ZGRF1: variants seen among roughly 807,000 people sequenced by gnomAD.
The protein encoded by ZGRF1 is zinc finger GRF-type containing 1.
Under a neutral mutation model 203.5 loss-of-function variants are expected in ZGRF1, and 196 were observed. The ratio of observed to expected loss-of-function variants is 0.96; its 90% confidence interval spans 0.86 to 1.08. The LOEUF (loss-of-function observed/expected upper bound fraction) is 1.08. ZGRF1 is among the 50% of genes least tolerant of loss of function. The pLI is 0.00. For missense variants in ZGRF1, 2,326 were observed against 2,416.3 expected (o/e 0.96, Z 0.78); for synonymous variants, 809 against 841.3 (o/e 0.96, Z 0.66).
At chr4:112,587,259 A>C in intron 12 of ZGRF1, 21 bp downstream of exon 12, 1 of 1,571,846 alleles carries the variant, frequency 6.4e-7, no homozygotes, top group Non-Finnish European at 8.6e-7. Context: ...AATGCACCAC[A>C]AGACCGGTAC....
At chr4:112,557,954 G>A (rs1482113545) in intron 20 of ZGRF1, among the ~76,000 whole-genome samples, 196 bp downstream of exon 20, 2 of 152,132 alleles carry the variant, frequency 1.3e-5, no homozygotes, top group African/African-American at 4.8e-5. Context: ...TTCCAGTTCT[G>A]GTTTTGATTT....
chr4:112,635,836 T>C (rs1444555669), intron 1 of ZGRF1, among the ~76,000 whole-genome samples: 3 of 151,926 alleles, frequency 2.0e-5, no homozygotes, highest in Non-Finnish European at 4.4e-5. Flanking sequence ...TTATATGCTA[T>C]TTCACAATTG....
chr4:112,605,924 G>A, intron 9 of ZGRF1, 84 bp downstream of exon 9: 1 of 897,060 alleles, frequency 1.1e-6, no homozygotes, highest in South Asian at 1.4e-5. Flanking sequence ...TGAAAACTCT[G>A]ATACTTGTTT....
intron 10 of ZGRF1, among the ~76,000 whole-genome samples, chr4:112,597,725 CA>C (rs994876803): frequency 2.0e-5 from 3 of 147,752 alleles, no homozygotes; most frequent in African/African-American, 2.5e-5. Flanking sequence ...CTAAAAATAC[CA>C]AAAAAAAATT....
At chr4:112,620,339 A>G in intron 4 of ZGRF1, 149 bp from the exon 5 acceptor site, 2 of 500,228 alleles carry the variant, frequency 4.0e-6, no homozygotes, top group South Asian at 7.8e-5. Flanking sequence ...ATTATTTATT[A>G]TTATGTACTC....
intron 16 of ZGRF1, among the ~76,000 whole-genome samples, chr4:112,563,861 G>A (rs1244105154): frequency 6.6e-6 from 1 of 152,168 alleles, no homozygotes; most frequent in Non-Finnish European, 1.5e-5. Flanking sequence ...TGCAGATGGT[G>A]CAAAGGGGCC....
chr4:112,561,025 T>TA (rs771545847), intron 18 of ZGRF1, 30 bp from the exon 19 acceptor site: 12 of 1,535,554 alleles, frequency 7.8e-6, no homozygotes, highest in East Asian at 2.3e-5. Context: ...TAAACAATTT[T>TA]AAAAAAAGGG....
Position 112,618,558 on chromosome 4 carries a change from A to G in ZGRF1, c.1484T>C (p.Ile495Thr), listed in dbSNP as rs2046962068. ...AATCATGTCTGTAATGTCATCAGAGATCCTAGAATTATTACTAGATTCAAT... is the reference window on the plus strand; with the variant it reads ...AATCATGTCTGTAATGTCATCAGAGGTCCTAGAATTATTACTAGATTCAAT... Reference protein sequence around the residue: ...LQIESSNNSRISDDITDMISE... With the variant: ...LQIESSNNSRTSDDITDMISE... The change falls in exon 6 of 28, where the codon ATC becomes ACC. Residue 495 changes from isoleucine to threonine, a missense_variant. Transcript: ENST00000505019. 1.2e-6 allele frequency: 2 copies of G among 1,613,500 alleles called. No homozygotes were observed. Among genetic ancestry groups the G allele is most frequent in the African/African-American group, 2.7e-5 (2 of 74,902 alleles).
Position 112,584,060 on chromosome 4 carries a change from C to T in ZGRF1, c.4216G>A (p.Val1406Ile). 1 of 1,613,594 alleles carries T rather than the reference C, an allele frequency of 6.2e-7. No individual in the cohort carries two copies. The highest frequency in any genetic ancestry group is 1.1e-5 in the South Asian group (1 of 91,070). The change falls in exon 15 of 28, where the codon GTT becomes ATT. Residue 1406 changes from valine (V) to isoleucine (I), a missense_variant. By Grantham distance (29) the Val-to-Ile change is conservative. Transcript: ENST00000505019. ...STQEGARPGM[V>I]LSDIKSIGLY... ...CCAATACTCTTAATATCACTTAAAA[C>T]CATGCCAGGTCGAGCTCCTTCCTGT...
In ZGRF1 at chr4:112,593,333, A is replaced by G. The variant is rs1390866906; in HGVS notation, c.2977-3459T>C. 7.2e-5 allele frequency among the ~76,000 whole-genome samples: 11 copies of G among 152,244 alleles called. No homozygotes were observed. The East Asian group carries it at 2.1e-3, about 29-fold the overall frequency. On this transcript the variant is annotated intron_variant, in intron 10 of 27. Coordinates refer to ENST00000505019, the MANE Select transcript of ZGRF1 (RefSeq NM_018392.5). ...ACTCCACTATACTTTCACTGCCACA[A>G]TCCCTACTTCAATTCACTATCATCA...
intron 10 of ZGRF1, among the ~76,000 whole-genome samples, chr4:112,594,600 A>G (rs1578391950): frequency 6.6e-6 from 1 of 151,598 alleles, no homozygotes; most frequent in Non-Finnish European, 1.5e-5. Flanking sequence ...TTACAGGCAC[A>G]TGCCACCACG....
intron 15 of ZGRF1, among the ~76,000 whole-genome samples, chr4:112,583,725 G>T (rs1327595882): frequency 1.3e-5 from 2 of 151,854 alleles, no homozygotes; most frequent in Non-Finnish European, 2.9e-5. Flanking sequence ...GAGAGCTTCA[G>T]CCCAGGAGTT....
At chr4:112,548,436 C>A in intron 22 of ZGRF1, 56 bp from the exon 23 acceptor site, 4 of 1,382,950 alleles carry the variant, frequency 2.9e-6, no homozygotes, top group South Asian at 1.4e-5. Context: ...AATAAGAGAA[C>A]GTATTTACCA....
chr4:112,547,331 T>A lies in ZGRF1; in HGVS notation c.5552A>T (p.His1851Leu). ...AAGAGTTTGTTCCAATCCATTTTCA[T>A]GAGCTGCATCAGAACCCTGAATAGT... ...PPTIQGSDAA[H>L]ENGLEQTLFD... The change falls in exon 24 of 28, where the codon CAT becomes CTT. Residue 1851 changes from histidine to leucine, a missense_variant. By Grantham distance (99) the His-to-Leu change is moderately conservative. Transcript: ENST00000505019. 1.9e-6 allele frequency: 3 copies of A among 1,613,702 alleles called. No individual in the cohort carries two copies. Among genetic ancestry groups the A allele is most frequent in the Non-Finnish European group, 2.5e-6 (3 of 1,179,752 alleles).
chr4:112,583,148 C>T (rs554035716), intron 15 of ZGRF1, among the ~76,000 whole-genome samples: 6 of 152,208 alleles, frequency 3.9e-5, no homozygotes, highest in South Asian at 4.1e-4. Flanking sequence ...ATAATTCATG[C>T]GAAGTGCCTA....
chr4:112,584,342 C>T (rs1746798605), intron 14 of ZGRF1, among the ~76,000 whole-genome samples, 168 bp from the exon 15 acceptor site: 1 of 152,146 alleles, frequency 6.6e-6, no homozygotes, highest in South Asian at 2.1e-4. Flanking sequence ...TTAAAACCAC[C>T]TACTTTTCCA....
intron 4 of ZGRF1, among the ~76,000 whole-genome samples, chr4:112,622,996 T>C (rs6834538): frequency 0.68 from 103,509 of 151,888 alleles, 35,712 homozygotes; most frequent in East Asian, 0.95. Context: ...CTCAGTAGGC[T>C]TCAATGTCTG....
intron 3 of ZGRF1, among the ~76,000 whole-genome samples, chr4:112,624,511 C>G (rs894852972): frequency 9.3e-5 from 14 of 150,892 alleles, no homozygotes; most frequent in Admixed American, 3.3e-4. Context: ...TTAAAGGGGA[C>G]AAACAGGAGA....
At chr4:112,633,066 G>T in intron 2 of ZGRF1, 90 bp downstream of exon 2, 1 of 1,171,892 alleles carries the variant, frequency 8.5e-7, no homozygotes, top group Non-Finnish European at 1.3e-6. Context: ...GCTAAATCTG[G>T]CAACACAGCA....
Sources: gnomAD v4.1 joint callset for allele counts (sites outside exome capture counted in the v4.1 genomes callset) on GRCh38, gnomAD v4.1.1 for gene constraint, MANE v1.5 for transcripts, NCBI Gene and HGNC (gene_info 2026-07-23, HGNC 2026-07-21) for gene names.